Variants in PCDHGB1 observed in about 807,000 individuals in gnomAD.
PCDHGB1 encodes the protein protocadherin gamma-B1.
PCDHGB1 carries 34 observed loss-of-function variants against 56.6 expected under a neutral mutation model. That is an observed-to-expected ratio of 0.60 (90% CI 0.46 to 0.80). PCDHGB1 has a LOEUF of 0.80. PCDHGB1 is among the 30% of genes least tolerant of loss of function. The probability of loss-of-function intolerance (pLI) is 0.00; values close to 1 mark genes in which losing one functional copy is unlikely to be tolerated. For synonymous variants in PCDHGB1, 561 were observed against 505.9 expected (o/e 1.11, Z -1.46); for missense variants, 1,278 against 1,204.6 (o/e 1.06, Z -0.90).
chr5:141,413,212 G>C, intron 1 of PCDHGB1: 2 of 1,613,268 alleles, frequency 1.2e-6, no homozygotes, highest in Middle Eastern at 1.7e-4. Flanking sequence ...GGAATCAAAG[G>C]ATTGCAGCGG....
At chr5:141,394,416 A>G (rs1220964310) in intron 1 of PCDHGB1, 1 of 1,614,202 alleles carries the variant, frequency 6.2e-7, no homozygotes. Context: ...GGTAACAGCC[A>G]GCGACAGCGG....
Position 141,352,215 on chromosome 5 carries a change from C to T in PCDHGB1, c.1955C>T (p.Ala652Val), listed in dbSNP as rs780390612. The T allele has an allele frequency of 1.0e-4, 162 of 1,613,958 alleles. No homozygotes were observed. The highest frequency in any genetic ancestry group is 1.4e-4 in the Non-Finnish European group (160 of 1,179,914). The change falls in exon 1 of 4, where the codon GCC becomes GTC. Residue 652 changes from alanine to valine, a missense_variant. Physicochemically the swap from Ala to Val is moderately conservative, Grantham distance 64 (BLOSUM62 0). Transcript: ENST00000523390. ...VRDGGQPPLS[A>V]TATLHLIFAD... is the part of the protein sequence containing the mutation. ...GATGGAGGACAGCCGCCACTCTCCG[C>T]CACCGCCACGCTGCACCTAATCTTC...
At chr5:141,404,265 T>G in intron 1 of PCDHGB1, 1 of 1,613,998 alleles carries the variant, frequency 6.2e-7, no homozygotes, top group Non-Finnish European at 8.5e-7. Context: ...GAAATTCACA[T>G]CACCCTGCAA....
At chr5:141,415,538 G>A in intron 1 of PCDHGB1, 1 of 1,614,182 alleles carries the variant, frequency 6.2e-7, no homozygotes, top group Non-Finnish European at 8.5e-7. Flanking sequence ...AGCCAGGAGA[G>A]CTGTGAGAAA....
intron 1 of PCDHGB1, chr5:141,390,308 T>A (rs768472507): frequency 1.2e-6 from 2 of 1,613,092 alleles, no homozygotes; most frequent in African/African-American, 2.7e-5. Context: ...TATAATTTAA[T>A]GCTCATTGCC....
chr5:141,448,803 G>A (rs2098607666), intron 1 of PCDHGB1, among the ~76,000 whole-genome samples: 2 of 152,020 alleles, frequency 1.3e-5, no homozygotes, highest in South Asian at 4.1e-4. Flanking sequence ...AAATTAGCCA[G>A]GCGTGATGGC....
chr5:141,393,111 C>A (rs762190466), intron 1 of PCDHGB1: 1 of 1,613,380 alleles, frequency 6.2e-7, no homozygotes, highest in African/African-American at 1.3e-5. Flanking sequence ...CGCTCAGAGC[C>A]CGCGGTGTCT....
intron 1 of PCDHGB1, chr5:141,389,762 A>C (rs778570717): frequency 1.2e-6 from 2 of 1,612,968 alleles, no homozygotes; most frequent in Non-Finnish European, 1.7e-6. Flanking sequence ...AAGTGCGCAC[A>C]GCGCGTGCCT....
chr5:141,410,161 A>C (rs2095363664), intron 1 of PCDHGB1: 1 of 1,613,220 alleles, frequency 6.2e-7, no homozygotes, highest in African/African-American at 1.3e-5. Context: ...GACAGCCGCC[A>C]CTCTCTGCCA....
chr5:141,383,406 T>G lies in PCDHGB1; in HGVS notation c.2409+30737T>G, dbSNP rs780989648. 25 of 1,613,866 alleles carry G rather than the reference T, an allele frequency of 1.5e-5. No individual in the cohort carries two copies. In the African/African-American group the frequency reaches 3.2e-4, roughly 21 times the overall value. ...ATGTGGGCACGAACTCCCTCCAGAG[T>G]TACCAGCTCAGCCCCAATCGCCACT... On this transcript the variant is annotated intron_variant, in intron 1 of 3. Coordinates refer to ENST00000523390, the MANE Select transcript of PCDHGB1 (RefSeq NM_018922.3).
intron 1 of PCDHGB1, among the ~76,000 whole-genome samples, chr5:141,459,563 C>CAAAACAGAATT (rs1554142058): frequency 5.3e-5 from 8 of 152,044 alleles, no homozygotes; most frequent in Non-Finnish European, 2.9e-5. Context: ...ATAAATACCC[C>CAAAACAGAATT]AAAACAGAAT....
chr5:141,360,354 A>G (rs757199550), intron 1 of PCDHGB1: 8 of 1,613,944 alleles, frequency 5.0e-6, no homozygotes, highest in Non-Finnish European at 6.8e-6. Context: ...CGGAGAAGGA[A>G]TATTTCACAG....
chr5:141,362,685 C>T, intron 1 of PCDHGB1: 1 of 1,139,308 alleles, frequency 8.8e-7, no homozygotes, highest in East Asian at 2.6e-5. Context: ...TTGTCTTAAT[C>T]TTATCTAACT....
intron 1 of PCDHGB1, chr5:141,478,450 AGCCAGTCCACTGGCCAGCC>A (rs1562070520): frequency 6.2e-7 from 1 of 1,613,572 alleles, no homozygotes. Context: ...AACCTGGTGC[AGCCAGTCCACTGGCCAGCC>A]GCCAGAACAC....
chr5:141,365,896 T>C, intron 1 of PCDHGB1: 3 of 1,614,212 alleles, frequency 1.9e-6, no homozygotes, highest in Non-Finnish European at 2.5e-6. Flanking sequence ...CCTTCGACTA[T>C]GAGCAGTTGA....
At position 141,511,248 on chromosome 5, in the gene PCDHGB1, C is replaced by T; in HGVS notation, c.*75C>T. ...AGCTTCTCCTTACCTGCACCCAGGC[C>T]TCAGAGTTTCAGGGCTAACCCCCAG... On this transcript the variant is annotated 3_prime_UTR_variant, in exon 4 of 4. Transcript: ENST00000523390. 6.4e-7 allele frequency: 1 copy of T among 1,574,736 alleles called. No homozygotes were observed. The highest frequency in any genetic ancestry group is 8.6e-7 in the Non-Finnish European group (1 of 1,160,336).
At chr5:141,360,409 C>G (rs890064560) in intron 1 of PCDHGB1, 6 of 1,613,722 alleles carry the variant, frequency 3.7e-6, no homozygotes, top group African/African-American at 1.3e-5. Context: ...CAGAATAGAC[C>G]GAGAACAGAT....
chr5:141,467,781 C>T (rs2099151581), intron 1 of PCDHGB1, among the ~76,000 whole-genome samples: 1 of 152,228 alleles, frequency 6.6e-6, no homozygotes, highest in South Asian at 2.1e-4. Context: ...ACCTCAGCCT[C>T]TCAAGTAGCT....
At chr5:141,357,452 A>C in intron 1 of PCDHGB1, 1 of 1,614,228 alleles carries the variant, frequency 6.2e-7, no homozygotes, top group Non-Finnish European at 8.5e-7. Context: ...GCTTTCCTGC[A>C]GACCTATTCC....
Sources: gnomAD v4.1 joint callset for allele counts (sites outside exome capture counted in the v4.1 genomes callset) on GRCh38, gnomAD v4.1.1 for gene constraint, MANE v1.5 for transcripts, NCBI Gene and HGNC (gene_info 2026-07-23, HGNC 2026-07-21) for gene names.